KAZN: variants seen among roughly 807,000 people sequenced by gnomAD.
The protein encoded by KAZN is kazrin.
In KAZN, 40 loss-of-function variants were observed where a neutral mutation model predicts 87.4. The observed-to-expected ratio is 0.46, with a 90% CI of 0.36 to 0.60. KAZN has a LOEUF of 0.60. Ranked by LOEUF, KAZN falls within the 20% of genes least tolerant of loss-of-function variation. The pLI is 0.00. For missense variants in KAZN, 898 were observed against 1,073.9 expected (o/e 0.84, Z 2.29); for synonymous variants, 466 against 458.3 (o/e 1.02, Z -0.22).
intron 2 of KAZN, among the ~76,000 whole-genome samples, chr1:14,384,466 TCTTA>T (rs966292758): frequency 7.3e-4 from 111 of 152,322 alleles, no homozygotes; most frequent in Non-Finnish European, 9.7e-4. Context: ...CATAGATAGC[TCTTA>T]CTATTTTGAA....
chr1:13,964,226 A>T (rs1455097216), intron 1 of KAZN, among the ~76,000 whole-genome samples: 3 of 152,262 alleles, frequency 2.0e-5, no homozygotes, highest in Non-Finnish European at 4.4e-5. Context: ...TATATAGTCT[A>T]GATGGGGGAG....
At chr1:14,952,399 G>T (rs924372984) in intron 1 of KAZN, among the ~76,000 whole-genome samples, 1 of 152,008 alleles carries the variant, frequency 6.6e-6, no homozygotes, top group Non-Finnish European at 1.5e-5. Flanking sequence ...AGAATAGGGG[G>T]TTGATTGGTT....
At chr1:14,657,173 C>T (rs1347533816) in intron 1 of KAZN, among the ~76,000 whole-genome samples, 1 of 150,812 alleles carries the variant, frequency 6.6e-6, no homozygotes, top group Non-Finnish European at 1.5e-5. Context: ...ACCTCCGCCT[C>T]CTGGGTTCAA....
intron 1 of KAZN, among the ~76,000 whole-genome samples, chr1:14,090,785 C>T (rs1643958710): frequency 6.6e-6 from 1 of 152,238 alleles, no homozygotes; most frequent in African/African-American, 2.4e-5. Context: ...TCTGGTATTT[C>T]CTCCCATGTG....
At chr1:14,441,094 C>T (rs554890963) in intron 2 of KAZN, among the ~76,000 whole-genome samples, 93 of 152,140 alleles carry the variant, frequency 6.1e-4, no homozygotes, top group Non-Finnish European at 1.2e-3. Flanking sequence ...AGGACCAGGC[C>T]TCTGAAGCCC....
intron 1 of KAZN, among the ~76,000 whole-genome samples, chr1:14,750,978 G>A (rs191683492): frequency 6.6e-6 from 1 of 152,336 alleles, no homozygotes; most frequent in Non-Finnish European, 1.5e-5. Flanking sequence ...GTAGGGCTCA[G>A]AGTGGGAGAT....
At chr1:14,146,520 G>A (rs1244169870) in intron 1 of KAZN, among the ~76,000 whole-genome samples, 1 of 100,102 alleles carries the variant, frequency 1.0e-5, no homozygotes, top group Non-Finnish European at 1.9e-5. Context: ...TGGGCAACAA[G>A]AGTGAAACTC....
chr1:14,493,721 CT>C (rs1669800337), intron 2 of KAZN, among the ~76,000 whole-genome samples: 1 of 152,122 alleles, frequency 6.6e-6, no homozygotes, highest in Non-Finnish European at 1.5e-5. Flanking sequence ...TTCTTATATT[CT>C]TATGTCTGAT....
intron 2 of KAZN, among the ~76,000 whole-genome samples, chr1:14,380,825 C>T (rs1279327407): frequency 6.6e-6 from 1 of 152,102 alleles, no homozygotes; most frequent in African/African-American, 2.4e-5. Flanking sequence ...GATAATAACA[C>T]AAAACATCCC....
At chr1:14,084,693 A>G (rs1643798535) in intron 1 of KAZN, among the ~76,000 whole-genome samples, 1 of 139,578 alleles carries the variant, frequency 7.2e-6, no homozygotes, top group African/African-American at 2.7e-5. Flanking sequence ...TACAATAGTC[A>G]TTAAAAATGT....
chr1:13,961,471 C>A (rs1179781796), intron 1 of KAZN, among the ~76,000 whole-genome samples: 3 of 152,166 alleles, frequency 2.0e-5, no homozygotes, highest in Non-Finnish European at 2.9e-5. Context: ...TTTGTTTGGG[C>A]TGGGCTGGGA....
intron 10 of KAZN, among the ~76,000 whole-genome samples, chr1:15,095,278 T>A (rs922658638): frequency 6.6e-6 from 1 of 152,122 alleles, no homozygotes; most frequent in Non-Finnish European, 1.5e-5. Context: ...CGCCATGGTG[T>A]CTGCTCCTGG....
At chr1:14,206,893 ACT>A (rs905340635) in intron 2 of KAZN, among the ~76,000 whole-genome samples, 26 of 151,230 alleles carry the variant, frequency 1.7e-4, no homozygotes, top group African/African-American at 6.1e-4. Flanking sequence ...GCTCTAAATA[ACT>A]CTGTGATAAA....
chr1:14,409,556 G>A (rs1045323509), intron 2 of KAZN, among the ~76,000 whole-genome samples: 1 of 152,152 alleles, frequency 6.6e-6, no homozygotes, highest in Non-Finnish European at 1.5e-5. Flanking sequence ...AACTTGAAAA[G>A]GAGCTCAAAC....
At chr1:14,516,004 G>C (rs1671279834) in intron 2 of KAZN, among the ~76,000 whole-genome samples, 1 of 152,098 alleles carries the variant, frequency 6.6e-6, no homozygotes, top group South Asian at 2.1e-4. Context: ...CTAAACAGGA[G>C]ATTTTTCTTT....
intron 2 of KAZN, among the ~76,000 whole-genome samples, chr1:14,211,749 C>T (rs985639871): frequency 1.3e-5 from 2 of 152,098 alleles, no homozygotes; most frequent in Non-Finnish European, 2.9e-5. Context: ...GCAAATGCTA[C>T]AAATCGGGGC....
intron 1 of KAZN, among the ~76,000 whole-genome samples, chr1:13,944,652 A>T (rs1641067072): frequency 6.6e-6 from 1 of 152,264 alleles, no homozygotes; most frequent in Admixed American, 6.5e-5. Flanking sequence ...CAGTAAAAGT[A>T]GTAATTTATA....
At chr1:14,527,998 C>CCTATCTATCTATCTAT (rs200376042) in intron 2 of KAZN, among the ~76,000 whole-genome samples, 30 of 145,288 alleles carry the variant, frequency 2.1e-4, no homozygotes, top group East Asian at 4.2e-4. Context: ...GGTCTAGAAT[C>CCTATCTATCTATCTAT]CTATCTATCT....
chr1:14,655,972 T>G (rs1638766542), intron 1 of KAZN, among the ~76,000 whole-genome samples: 1 of 152,164 alleles, frequency 6.6e-6, no homozygotes, highest in African/African-American at 2.4e-5. Flanking sequence ...GCGTGCAGCT[T>G]ATACAGCGTT....
Sources: gnomAD v4.1 joint callset for allele counts (sites outside exome capture counted in the v4.1 genomes callset) on GRCh38, gnomAD v4.1.1 for gene constraint, MANE v1.5 for transcripts, NCBI Gene and HGNC (gene_info 2026-07-23, HGNC 2026-07-21) for gene names.